Variants in NUP205 observed in about 807,000 individuals in gnomAD.
The protein encoded by NUP205 is nuclear pore complex protein Nup205.
NUP205 carries 76 observed loss-of-function variants against 253.8 expected under a neutral mutation model. That is an observed-to-expected ratio of 0.30 (90% CI 0.25 to 0.36). The LOEUF (loss-of-function observed/expected upper bound fraction) is 0.36, where lower values mean the gene tolerates loss of function less well. Ranked by LOEUF, NUP205 falls within the 10% of genes least tolerant of loss-of-function variation. The pLI is 1.00. For missense variants in NUP205, 2,162 were observed against 2,425.5 expected, an observed-to-expected ratio of 0.89 and a Z score of 2.28; for synonymous variants, 832 against 850.1, an observed-to-expected ratio of 0.98 and a Z score of 0.37.
In NUP205 at chr7:135,577,140, A is replaced by G. The variant is rs74861260; in HGVS notation, c.648+12A>G. 1,937 of 1,599,442 alleles carry G rather than the reference A, an allele frequency of 1.2e-3. 20 individuals are homozygous for G. The highest frequency in any genetic ancestry group is 0.012 in the East Asian group (528 of 44,362). ...AACATCGCAAAGAGGCAAGGGTTCA[A>G]TGAAATCAATTCATGAGTTGTCTGT... On this transcript the variant is annotated intron_variant, in intron 5 of 42. Coordinates refer to ENST00000285968, the MANE Select transcript of NUP205 (RefSeq NM_015135.3).
intron 1 of NUP205, among the ~76,000 whole-genome samples, chr7:135,567,129 T>TAC (rs1491251195): frequency 8.0e-4 from 1 of 1,248 alleles, no homozygotes; most frequent in Non-Finnish European, 2.3e-3. Flanking sequence ...TCTATGTGTG[T>TAC]ATATATATAT....
At chr7:135,601,158 T>C (rs1159905650) in intron 16 of NUP205, among the ~76,000 whole-genome samples, 189 bp downstream of exon 16, 1 of 152,194 alleles carries the variant, frequency 6.6e-6, no homozygotes, top group Non-Finnish European at 1.5e-5. Flanking sequence ...GAACACTGCA[T>C]TACAATTTCT....
At chr7:135,591,314 A>G in intron 10 of NUP205, 136 bp from the exon 11 acceptor site, 1 of 642,210 alleles carries the variant, frequency 1.6e-6, no homozygotes, top group South Asian at 2.0e-5. Context: ...TAAATAGAAT[A>G]TCAGTTAAAT....
chr7:135,644,932 T>C lies in NUP205; in HGVS notation c.5597T>C (p.Ile1866Thr), dbSNP rs1351993151. Reference sequence around the variant, plus strand: ...GTGATGCCTGCTGGTGTTGATAAAATCTCCACTGCTCAGAAATATGTTCTA... The same window carrying C: ...GTGATGCCTGCTGGTGTTGATAAAACCTCCACTGCTCAGAAATATGTTCTA... ...QSVMPAGVDK[I>T]STAQKYVLAR... Residue 1866 changes from isoleucine (I) to threonine (T), a missense_variant, in exon 40 of 43, where the codon ATC becomes ACC. By Grantham distance (89) the Ile-to-Thr change is moderately conservative. Coordinates refer to ENST00000285968, the MANE Select transcript of NUP205 (RefSeq NM_015135.3). The C allele has an allele frequency of 2.5e-6, 4 of 1,614,042 alleles. No individual in the cohort carries two copies. In the Admixed American group the frequency reaches 5.0e-5, roughly 20 times the overall value.
chr7:135,640,580 C>T (rs1794900357), intron 38 of NUP205, among the ~76,000 whole-genome samples: 1 of 152,170 alleles, frequency 6.6e-6, no homozygotes, highest in African/African-American at 2.4e-5. Flanking sequence ...CTACCAGTGT[C>T]TGCTTCTGTT....
intron 21 of NUP205, 121 bp downstream of exon 21, chr7:135,607,036 T>A: frequency 8.4e-7 from 1 of 1,183,972 alleles, no homozygotes; most frequent in Non-Finnish European, 1.2e-6. Context: ...AAAGGTAATG[T>A]GATGGATGGG....
intron 1 of NUP205, among the ~76,000 whole-genome samples, chr7:135,570,222 A>T (rs1805917959): frequency 6.6e-6 from 1 of 151,140 alleles, no homozygotes; most frequent in African/African-American, 2.4e-5. Context: ...TAATTTTTAA[A>T]TTTTTTTTGA....
At chr7:135,623,336 TAAG>T (rs144368927) in intron 31 of NUP205, among the ~76,000 whole-genome samples, 14,233 of 152,294 alleles carry the variant, frequency 0.093, 912 homozygotes, top group Non-Finnish European at 0.13. Flanking sequence ...TGGTACATAT[TAAG>T]AATCATTTTT....
At chr7:135,574,755 A>C (rs1806104477) in intron 3 of NUP205, among the ~76,000 whole-genome samples, 1 of 152,218 alleles carries the variant, frequency 6.6e-6, no homozygotes, top group African/African-American at 2.4e-5. Context: ...CTAACTCTGA[A>C]ATTATTTCTC....
chr7:135,608,196 T>G (rs1188706018), intron 22 of NUP205, among the ~76,000 whole-genome samples: 1 of 151,964 alleles, frequency 6.6e-6, no homozygotes, highest in Non-Finnish European at 1.5e-5. Flanking sequence ...CAGCTAATTT[T>G]TGTATTTTTA....
At chr7:135,578,721 CG>C in intron 6 of NUP205, 29 bp from the exon 7 acceptor site, 2 of 1,512,408 alleles carry the variant, frequency 1.3e-6, no homozygotes, top group Admixed American at 4.1e-5. Flanking sequence ...ATCTGGTGAT[CG>C]GTAAAGTGGT....
rs1315490412 is a variant in NUP205 at position 135,646,237 on chromosome 7, G to A, written c.5886+6G>A. ...GCCAACATGATTTAGACCAGGTAAGGTTCTATTCTCATATTCTTTTATTTT... is the reference window on the plus strand; with the variant it reads ...GCCAACATGATTTAGACCAGGTAAGATTCTATTCTCATATTCTTTTATTTT... On this transcript the variant is annotated splice_donor_region_variant and intron_variant, in intron 42 of 42. Coordinates refer to ENST00000285968, the MANE Select transcript of NUP205 (RefSeq NM_015135.3). 1 of 1,592,414 alleles carries A rather than the reference G, an allele frequency of 6.3e-7. No individual in the cohort carries two copies. Among genetic ancestry groups the A allele is most frequent in the Non-Finnish European group, 8.6e-7 (1 of 1,160,338 alleles).
At chr7:135,628,463 A>C (rs1280635965) in intron 34 of NUP205, among the ~76,000 whole-genome samples, 2 of 152,218 alleles carry the variant, frequency 1.3e-5, no homozygotes, top group Non-Finnish European at 2.9e-5. Flanking sequence ...TAGGCCTTGC[A>C]GGCTGGGCAT....
intron 7 of NUP205, among the ~76,000 whole-genome samples, chr7:135,579,385 G>T (rs565181642): frequency 3.3e-5 from 5 of 151,928 alleles, no homozygotes. Flanking sequence ...GTAGAAATGG[G>T]GTTTCTCCAT....
intron 11 of NUP205, among the ~76,000 whole-genome samples, chr7:135,592,153 G>A (rs1323925728): frequency 1.3e-5 from 2 of 152,214 alleles, no homozygotes; most frequent in African/African-American, 4.8e-5. Flanking sequence ...TATTTGGAGA[G>A]CCATGATGGG....
intron 1 of NUP205, among the ~76,000 whole-genome samples, chr7:135,561,428 A>G (rs548037748): frequency 5.5e-4 from 84 of 152,350 alleles, no homozygotes; most frequent in African/African-American, 2.0e-3. Context: ...ACCTGTATCA[A>G]CCTGGCTGAG....
intron 7 of NUP205, among the ~76,000 whole-genome samples, chr7:135,579,344 G>A (rs1254923332): frequency 3.3e-5 from 5 of 151,656 alleles, no homozygotes; most frequent in East Asian, 3.9e-4. Context: ...ACAGGCATGC[G>A]CCACCACACC....
chr7:135,615,811 T>C (rs1355930726), intron 23 of NUP205, 105 bp from the exon 24 acceptor site: 1 of 624,964 alleles, frequency 1.6e-6, no homozygotes, highest in Non-Finnish European at 2.5e-6. Context: ...TCATAAATTA[T>C]TGACTTTGTT....
At chr7:135,567,117 AGTCTATGTGT>A (rs1563107832) in intron 1 of NUP205, among the ~76,000 whole-genome samples, 1 of 17,960 alleles carries the variant, frequency 5.6e-5, no homozygotes, top group African/African-American at 2.4e-4. Flanking sequence ...TGTCTTGCTC[AGTCTATGTGT>A]GTATATATAT....
Sources: allele counts gnomAD v4.1 joint callset (sites outside exome capture counted in the v4.1 genomes callset), GRCh38; gene constraint gnomAD v4.1.1; transcripts MANE v1.5; gene names NCBI Gene and HGNC (gene_info 2026-07-23, HGNC 2026-07-21).